PRKG1: variants seen among roughly 807,000 people sequenced by gnomAD.
PRKG1 encodes the protein protein kinase cGMP-dependent 1.
Under a neutral mutation model 88.1 loss-of-function variants are expected in PRKG1, and 35 were observed. That is an observed-to-expected ratio of 0.40 (90% CI 0.30 to 0.53). PRKG1 has a LOEUF of 0.53. PRKG1 is among the 20% of genes least tolerant of loss of function. PRKG1 has a pLI of 0.59. For missense variants in PRKG1, 540 were observed against 839.8 expected, an observed-to-expected ratio of 0.64 and a Z score of 4.41; for synonymous variants, 303 against 292.5, an observed-to-expected ratio of 1.04 and a Z score of -0.37.
intron 4 of PRKG1, among the ~76,000 whole-genome samples, chr10:51,842,149 C>G (rs924516583): frequency 2.6e-5 from 4 of 152,148 alleles, no homozygotes; most frequent in African/African-American, 9.7e-5. Context: ...CATACTTGTC[C>G]TATGGGCTTT....
chr10:51,867,729 T>G (rs28442041), intron 4 of PRKG1, among the ~76,000 whole-genome samples: 2 of 152,096 alleles, frequency 1.3e-5, no homozygotes, highest in Non-Finnish European at 2.9e-5. Flanking sequence ...TCTAGATGAG[T>G]ACCCTCTTCT....
intron 2 of PRKG1, among the ~76,000 whole-genome samples, chr10:51,414,366 G>C (rs1838182534): frequency 6.6e-6 from 1 of 152,174 alleles, no homozygotes; most frequent in South Asian, 2.1e-4. Flanking sequence ...TTGTAATCTT[G>C]ACCAGGTGGT....
At chr10:51,660,377 A>G (rs1052048611) in intron 3 of PRKG1, among the ~76,000 whole-genome samples, 3 of 152,000 alleles carry the variant, frequency 2.0e-5, no homozygotes, top group African/African-American at 7.2e-5. Context: ...AGTAAAAAAT[A>G]ATGTGAATGT....
In PRKG1 at chr10:50,991,523, G is replaced by A. The variant is rs1416776423; in HGVS notation, c.145G>A (p.Val49Met). 1.9e-6 allele frequency: 3 copies of A among 1,611,368 alleles called. No individual in the cohort carries two copies. Among genetic ancestry groups the A allele is most frequent in the Non-Finnish European group, 2.5e-6 (3 of 1,179,024 alleles). The stretch of plus-strand genomic sequence containing the variant: ...CCACAAATGCCAGTCGGTGCTCCCA[G>A]TGCCCTCGACCCACATCGGCCCCCG... Residue 49 changes from valine (V) to methionine (M), a missense_variant, in exon 1 of 18, where the codon GTG becomes ATG. Physicochemically the swap from Val to Met is conservative, Grantham distance 21. Coordinates refer to the PRKG1 transcript ENST00000401604. The surrounding 1 kb of genome is among the most constrained non-coding windows in gnomAD (Gnocchi z 4.5).
rs367576501 is a variant in PRKG1, at chr10:51,914,089, CTAAGA to C, written c.762+6524_762+6528del. On this transcript the variant is annotated intron_variant, in intron 5 of 17. Coordinates refer to ENST00000373980, the MANE Select transcript of PRKG1 (RefSeq NM_006258.4). ...CATTTTCTTTCTTCTCTTATGTATA[CTAAGA>C]TAAGTCTCTATACATGAATTACATT... Among the ~76,000 whole-genome samples the C allele has an allele frequency of 3.6e-3, 543 of 152,176 alleles. 5 individuals are homozygous for C. The highest frequency in any genetic ancestry group is 0.012 in the African/African-American group (507 of 41,532).
chr10:51,509,388 A>G (rs1481410798), intron 3 of PRKG1, among the ~76,000 whole-genome samples: 2 of 152,234 alleles, frequency 1.3e-5, no homozygotes, highest in Non-Finnish European at 2.9e-5. Flanking sequence ...TCTCAATTTT[A>G]TCACTTAAGT....
At position 52,085,374 on chromosome 10, in the gene PRKG1, C is replaced by A. The variant is rs149214537; in HGVS notation, c.935+22743C>A. 5.2e-4 allele frequency among the ~76,000 whole-genome samples: 79 copies of A among 152,044 alleles called. No homozygotes were observed. The East Asian group carries it at 0.013, about 25-fold the overall frequency. ...TTTTCTAACTCATCTACTTTCACTG[C>A]TGGAAGTCCTTCATTCTTTTCCTTC... On this transcript the variant is annotated intron_variant, in intron 7 of 17. Coordinates refer to ENST00000373980, the MANE Select transcript of PRKG1 (RefSeq NM_006258.4).
At chr10:51,215,323 T>C (rs1838343048) in intron 2 of PRKG1, among the ~76,000 whole-genome samples, 1 of 152,206 alleles carries the variant, frequency 6.6e-6, no homozygotes, top group African/African-American at 2.4e-5. Flanking sequence ...TCTGTGCAGT[T>C]GGATGATAAA....
intron 2 of PRKG1, among the ~76,000 whole-genome samples, chr10:51,399,943 A>T (rs577509343): frequency 6.6e-6 from 1 of 152,306 alleles, no homozygotes; most frequent in African/African-American, 2.4e-5. Context: ...TTTTGGCTGT[A>T]GGAGTTCTGG....
At chr10:51,750,890 C>A (rs202132604) in intron 3 of PRKG1, among the ~76,000 whole-genome samples, 9 of 148,836 alleles carry the variant, frequency 6.0e-5, no homozygotes, top group African/African-American at 7.4e-5. Flanking sequence ...ATTTCATAAG[C>A]AAAAAAAAAA....
chr10:51,423,319 G>A (rs568939212), intron 2 of PRKG1, among the ~76,000 whole-genome samples: 2 of 152,178 alleles, frequency 1.3e-5, no homozygotes, highest in Admixed American at 6.6e-5. Context: ...TTCCATTCTT[G>A]CACTTGCAAT....
intron 1 of PRKG1, among the ~76,000 whole-genome samples, chr10:51,016,746 G>A (rs1402958219): frequency 1.5e-5 from 2 of 132,652 alleles, no homozygotes; most frequent in Admixed American, 8.9e-5. Context: ...TCGGCTCACT[G>A]GAAACTCCAC....
At chr10:52,128,362 C>G (rs762680606) in intron 7 of PRKG1, 24 of 985,214 alleles carry the variant, frequency 2.4e-5, no homozygotes, top group Non-Finnish European at 2.9e-5. Context: ...TGTGTTTGTT[C>G]CCCTGAGGTA....
At chr10:52,072,697 A>G (rs2133289029) in intron 7 of PRKG1, among the ~76,000 whole-genome samples, 1 of 152,248 alleles carries the variant, frequency 6.6e-6, no homozygotes, top group Admixed American at 6.5e-5. Context: ...TCCTCTCATA[A>G]TAACGAATCC....
chr10:51,947,799 A>G (rs1398505366), intron 5 of PRKG1, among the ~76,000 whole-genome samples: 2 of 152,086 alleles, frequency 1.3e-5, no homozygotes, highest in African/African-American at 4.8e-5. Context: ...CCTTCAGGTC[A>G]TAGCAAGATT....
At chr10:52,122,345 T>C (rs778767943) in intron 7 of PRKG1, among the ~76,000 whole-genome samples, 2 of 152,226 alleles carry the variant, frequency 1.3e-5, no homozygotes, top group Non-Finnish European at 2.9e-5. Context: ...CTCAACACTG[T>C]TGCATTAGTG....
chr10:51,778,463 CA>C (rs1838499112), intron 3 of PRKG1, among the ~76,000 whole-genome samples: 1 of 152,120 alleles, frequency 6.6e-6, no homozygotes, highest in Non-Finnish European at 1.5e-5. Flanking sequence ...CAGCAGAATG[CA>C]GGGGGATGCA....
At chr10:51,662,062 C>G (rs760347667) in intron 3 of PRKG1, among the ~76,000 whole-genome samples, 1 of 152,036 alleles carries the variant, frequency 6.6e-6, no homozygotes, top group Non-Finnish European at 1.5e-5. Flanking sequence ...GAACATCACA[C>G]ACTGGGGCCT....
chr10:51,138,428 C>T (rs926063814), intron 1 of PRKG1, among the ~76,000 whole-genome samples: 8 of 152,106 alleles, frequency 5.3e-5, no homozygotes, highest in Non-Finnish European at 1.0e-4. Flanking sequence ...GTCTCTTTCA[C>T]GTTCACTATT....
Sources: allele counts gnomAD v4.1 joint callset (sites outside exome capture counted in the v4.1 genomes callset), GRCh38; gene constraint gnomAD v4.1.1; non-coding constraint Gnocchi (gnomAD v3.1); transcripts MANE v1.5; gene names NCBI Gene and HGNC (gene_info 2026-07-23, HGNC 2026-07-21).